TTC28: variants seen among roughly 807,000 people sequenced by gnomAD.
The protein encoded by TTC28 is tetratricopeptide repeat protein 28.
Under a neutral mutation model 198.0 loss-of-function variants are expected in TTC28, and 61 were observed. The ratio of observed to expected loss-of-function variants is 0.31; its 90% confidence interval spans 0.25 to 0.38. The LOEUF (loss-of-function observed/expected upper bound fraction) is 0.38. TTC28 is among the 10% of genes least tolerant of loss of function. TTC28 has a pLI of 1.00. For synonymous variants in TTC28, 1,171 were observed against 1,297.8 expected (o/e 0.90, Z 2.10); for missense variants, 2,678 against 3,164.0 (o/e 0.85, Z 3.69).
intron 2 of TTC28, among the ~76,000 whole-genome samples, chr22:28,385,903 A>G (rs749508714): frequency 6.6e-6 from 1 of 152,128 alleles, no homozygotes; most frequent in Non-Finnish European, 1.5e-5. Context: ...CACCTCTGCC[A>G]AAAACACTTT....
At chr22:28,246,704 C>G (rs1168279719) in intron 5 of TTC28, among the ~76,000 whole-genome samples, 1 of 151,984 alleles carries the variant, frequency 6.6e-6, no homozygotes, top group African/African-American at 2.4e-5. Context: ...AGTAACAGAC[C>G]GAAGACCACA....
intron 2 of TTC28, among the ~76,000 whole-genome samples, chr22:28,561,764 C>A (rs1217309310): frequency 6.6e-6 from 1 of 152,184 alleles, no homozygotes; most frequent in East Asian, 1.9e-4. Flanking sequence ...ACTTAGCTAA[C>A]CCTTACTTAT....
intron 2 of TTC28, among the ~76,000 whole-genome samples, chr22:28,335,164 T>C (rs938229135): frequency 2.0e-5 from 3 of 152,210 alleles, no homozygotes; most frequent in Non-Finnish European, 4.4e-5. Flanking sequence ...GAGAGAGTCA[T>C]AGATATGTGG....
chr22:28,415,971 T>C lies in TTC28; in HGVS notation c.382-109328A>G, dbSNP rs556618977. Among the ~76,000 whole-genome samples the C allele has an allele frequency of 7.2e-5, 11 of 152,322 alleles. 1 individual carries two copies. Among genetic ancestry groups the C allele is most frequent in the Middle Eastern group, 6.8e-3 (2 of 294 alleles). On this transcript the variant is annotated intron_variant, in intron 2 of 22. Transcript: ENST00000397906. Reference sequence around the variant, plus strand: ...ACCTTCAATAAAAAGTTTCAGAATGTGTTTATCTAAAAAAGGCATTGAACT... The same window carrying C: ...ACCTTCAATAAAAAGTTTCAGAATGCGTTTATCTAAAAAAGGCATTGAACT...
chr22:28,208,356 T>C (rs1423002776), intron 5 of TTC28, among the ~76,000 whole-genome samples: 2 of 152,096 alleles, frequency 1.3e-5, no homozygotes, highest in Admixed American at 6.5e-5. Flanking sequence ...AGTATGCAAC[T>C]AAAAGAACAT....
intron 2 of TTC28, among the ~76,000 whole-genome samples, chr22:28,558,007 T>C (rs2049811628): frequency 6.6e-6 from 1 of 152,246 alleles, no homozygotes; most frequent in African/African-American, 2.4e-5. Context: ...TCATAATTTT[T>C]AGCTGTAATT....
chr22:28,593,658 A>C (rs1205419638), intron 2 of TTC28, among the ~76,000 whole-genome samples: 1 of 151,204 alleles, frequency 6.6e-6, no homozygotes, highest in Non-Finnish European at 1.5e-5. Context: ...TGGCTAGAAG[A>C]ATAGAAGGAA....
chr22:28,474,335 T>C (rs961394223), intron 2 of TTC28, among the ~76,000 whole-genome samples: 4 of 152,110 alleles, frequency 2.6e-5, no homozygotes, highest in Admixed American at 6.6e-5. Context: ...AGAATCCCTA[T>C]AAGGCTCAGA....
At chr22:28,486,387 G>A (rs1361730434) in intron 2 of TTC28, among the ~76,000 whole-genome samples, 2 of 152,090 alleles carry the variant, frequency 1.3e-5, no homozygotes, top group Non-Finnish European at 2.9e-5. Flanking sequence ...ACACTGAGAT[G>A]AATTGTCTCA....
chr22:28,493,571 A>T (rs2048408492), intron 2 of TTC28, among the ~76,000 whole-genome samples: 1 of 152,184 alleles, frequency 6.6e-6, no homozygotes. Flanking sequence ...AAATAATTAG[A>T]ATATCTTCAT....
At chr22:28,632,238 C>G (rs144835374) in intron 1 of TTC28, among the ~76,000 whole-genome samples, 103 of 142,722 alleles carry the variant, frequency 7.2e-4, no homozygotes, top group African/African-American at 2.6e-3. Context: ...ATATCAGTGT[C>G]CAAGTTATAT....
At chr22:28,366,459 A>G (rs1006536939) in intron 2 of TTC28, among the ~76,000 whole-genome samples, 2 of 152,158 alleles carry the variant, frequency 1.3e-5, no homozygotes, top group African/African-American at 4.8e-5. Flanking sequence ...CTTAGATCAT[A>G]GCGGTTAGGA....
chr22:28,652,031 G>A (rs1275268963), intron 1 of TTC28, among the ~76,000 whole-genome samples: 1 of 150,992 alleles, frequency 6.6e-6, no homozygotes, highest in Non-Finnish European at 1.5e-5. Flanking sequence ...GTAGAGACAG[G>A]GTTTCACCAC....
chr22:28,347,743 A>T (rs1016499017), intron 2 of TTC28, among the ~76,000 whole-genome samples: 5 of 152,098 alleles, frequency 3.3e-5, no homozygotes, highest in African/African-American at 1.2e-4. Flanking sequence ...GTGGTGGCAG[A>T]CCACCTGTAA....
At chr22:28,460,493 C>T (rs559957659) in intron 2 of TTC28, among the ~76,000 whole-genome samples, 6 of 152,004 alleles carry the variant, frequency 3.9e-5, no homozygotes, top group African/African-American at 1.2e-4. Context: ...CTGCAACTTG[C>T]TTTTCTGCCC....
At chr22:28,525,355 T>G (rs2048986920) in intron 2 of TTC28, among the ~76,000 whole-genome samples, 1 of 152,176 alleles carries the variant, frequency 6.6e-6, no homozygotes, top group South Asian at 2.1e-4. Flanking sequence ...GTTTTCACCA[T>G]GTCGCCCAGG....
intron 2 of TTC28, among the ~76,000 whole-genome samples, chr22:28,531,250 G>A (rs2049132557): frequency 6.6e-6 from 1 of 152,150 alleles, no homozygotes; most frequent in Non-Finnish European, 1.5e-5. Flanking sequence ...AAAAGCAGGA[G>A]TTGCAATCCT....
At chr22:28,670,704 CATAT>C (rs146059811) in intron 1 of TTC28, among the ~76,000 whole-genome samples, 21 of 128,466 alleles carry the variant, frequency 1.6e-4, no homozygotes, top group African/African-American at 3.2e-4. Flanking sequence ...GTCTTTAGGG[CATAT>C]ATATATATAT....
At chr22:28,084,977 A>C (rs1203968303) in intron 12 of TTC28, among the ~76,000 whole-genome samples, 2 of 152,130 alleles carry the variant, frequency 1.3e-5, no homozygotes, top group Non-Finnish European at 2.9e-5. Context: ...AATAAAAAGA[A>C]ATGAACAAAC....
Sources: gnomAD v4.1 joint callset for allele counts (sites outside exome capture counted in the v4.1 genomes callset) on GRCh38, gnomAD v4.1.1 for gene constraint, MANE v1.5 for transcripts, NCBI Gene and HGNC (gene_info 2026-07-23, HGNC 2026-07-21) for gene names.